ZNF423: variants seen among roughly 807,000 people sequenced by gnomAD.
ZNF423 encodes Ebf-associated zinc finger protein.
Under a neutral mutation model 95.8 loss-of-function variants are expected in ZNF423, and 12 were observed. That is an observed-to-expected ratio of 0.13 (90% CI 0.08 to 0.20). The LOEUF (loss-of-function observed/expected upper bound fraction) is 0.20, where lower values mean the gene tolerates loss of function less well. ZNF423 is among the 10% of genes least tolerant of loss of function. The probability of loss-of-function intolerance (pLI) is 1.00; values close to 1 mark genes in which losing one functional copy is unlikely to be tolerated. For missense variants in ZNF423, 1,316 were observed against 1,737.1 expected (o/e 0.76, Z 4.31); for synonymous variants, 749 against 711.9 (o/e 1.05, Z -0.83).
intron 3 of ZNF423, among the ~76,000 whole-genome samples, chr16:49,643,011 G>A (rs989310701): frequency 1.3e-4 from 19 of 151,998 alleles, no homozygotes; most frequent in African/African-American, 4.6e-4. Flanking sequence ...AGTAGAGACA[G>A]GGTTTCACCA....
intron 5 of ZNF423, among the ~76,000 whole-genome samples, chr16:49,543,832 C>T (rs1234733900): frequency 6.6e-6 from 1 of 152,230 alleles, no homozygotes; most frequent in Non-Finnish European, 1.5e-5. Context: ...GTCACAGCGA[C>T]CGCCACTCAC....
chr16:49,711,405 C>G (rs2032539483), intron 3 of ZNF423: 1 of 152,144 alleles, frequency 6.6e-6, no homozygotes, highest in Admixed American at 6.5e-5. Flanking sequence ...AGGTGAGAAG[C>G]TCTCTGAGGT....
chr16:49,613,152 T>C (rs190622231), intron 5 of ZNF423, among the ~76,000 whole-genome samples: 4 of 152,286 alleles, frequency 2.6e-5, no homozygotes, highest in Non-Finnish European at 5.9e-5. Flanking sequence ...AGCAAGAATT[T>C]TGGTAGATAC....
At chr16:49,717,299 T>C (rs1376624713) in intron 3 of ZNF423, among the ~76,000 whole-genome samples, 1 of 150,636 alleles carries the variant, frequency 6.6e-6, no homozygotes, top group East Asian at 2.0e-4. Flanking sequence ...TTCACCATCA[T>C]AGGAACAGGC....
rs921463163 is a variant in ZNF423, at chr16:49,658,831, T to A, written c.302-19957A>T. ...GTGGGTCCCCCACCCTTTCCCAGCA[T>A]CGCTGACTCTTTCCTTGGAACCCCC... is the stretch of plus-strand genomic sequence containing the variant. On this transcript the variant is annotated intron_variant, in intron 3 of 7. Coordinates refer to ENST00000563137, the MANE Select transcript of ZNF423 (RefSeq NM_001379286.1). Among the ~76,000 whole-genome samples the A allele has an allele frequency of 4.6e-5, 7 of 152,286 alleles. No homozygotes were observed. The East Asian group carries it at 1.4e-3, about 30-fold the overall frequency.
intron 5 of ZNF423, among the ~76,000 whole-genome samples, chr16:49,544,208 T>G (rs1478297237): frequency 6.6e-6 from 1 of 152,178 alleles, no homozygotes. Flanking sequence ...GACAGTATGG[T>G]CCAGAGGTGA....
chr16:49,858,344 C>G (rs1333224553), upstream of ZNF423, among the ~76,000 whole-genome samples: 2 of 151,774 alleles, frequency 1.3e-5, no homozygotes, highest in Admixed American at 1.3e-4. This position sits in a 1 kb window ranked among gnomAD's most constrained non-coding sequence, Gnocchi z 4.3. Context: ...CCGCCGGGCC[C>G]TGCTCGCCAA....
intron 5 of ZNF423, among the ~76,000 whole-genome samples, chr16:49,537,482 C>G (rs941809383): frequency 6.6e-6 from 1 of 152,200 alleles, no homozygotes; most frequent in African/African-American, 2.4e-5. Flanking sequence ...ATTGGAAATT[C>G]AAACGCAACA....
chr16:49,532,285 C>A (rs1392049857), intron 5 of ZNF423, among the ~76,000 whole-genome samples: 1 of 152,180 alleles, frequency 6.6e-6, no homozygotes, highest in Non-Finnish European at 1.5e-5. Context: ...CACGGCTGTC[C>A]CCGACCCCCA....
chr16:49,822,883 AG>A (rs1567360160), intron 1 of ZNF423: 2 of 569,908 alleles, frequency 3.5e-6, no homozygotes, highest in African/African-American at 1.9e-5. Context: ...TCATCTACGC[AG>A]CCAGGATTTA....
intron 4 of ZNF423, among the ~76,000 whole-genome samples, chr16:49,632,979 G>A (rs1972556124): frequency 9.2e-5 from 14 of 152,160 alleles, no homozygotes; most frequent in Admixed American, 9.2e-4. Context: ...CAGCTGCACT[G>A]CCCCACAGCC....
At chr16:49,500,415 C>T (rs906943370) in intron 7 of ZNF423, among the ~76,000 whole-genome samples, 7 of 152,200 alleles carry the variant, frequency 4.6e-5, no homozygotes, top group Non-Finnish European at 8.8e-5. Context: ...TCCATTCTAA[C>T]CACAGCAGCC....
At chr16:49,805,377 C>T (rs1391914030) in intron 1 of ZNF423, among the ~76,000 whole-genome samples, 5 of 152,230 alleles carry the variant, frequency 3.3e-5, no homozygotes, top group African/African-American at 1.2e-4. Flanking sequence ...AATGGCCCTA[C>T]AAAAGCAGGT....
At chr16:49,703,335 C>T (rs1288045772) in intron 3 of ZNF423, among the ~76,000 whole-genome samples, 1 of 152,192 alleles carries the variant, frequency 6.6e-6, no homozygotes, top group Non-Finnish European at 1.5e-5. Context: ...GAGTAAAAAT[C>T]ATTTCTGACT....
At chr16:49,596,586 G>A (rs1247698096) in intron 5 of ZNF423, among the ~76,000 whole-genome samples, 1 of 152,184 alleles carries the variant, frequency 6.6e-6, no homozygotes, top group Admixed American at 6.5e-5. Flanking sequence ...ATATGGAAAT[G>A]GAAAATGCTA....
intron 3 of ZNF423, among the ~76,000 whole-genome samples, chr16:49,647,424 A>G (rs1973220654): frequency 6.6e-6 from 1 of 152,252 alleles, no homozygotes; most frequent in African/African-American, 2.4e-5. Flanking sequence ...TCCAAAACAT[A>G]TGAATATGTT....
intron 2 of ZNF423, among the ~76,000 whole-genome samples, chr16:49,746,259 G>A (rs189808218): frequency 2.6e-5 from 4 of 152,254 alleles, no homozygotes; most frequent in African/African-American, 9.6e-5. Flanking sequence ...TGGCCACTGG[G>A]TGCGGGAAGA....
intron 7 of ZNF423, among the ~76,000 whole-genome samples, chr16:49,511,107 C>T (rs1278553299): frequency 6.6e-6 from 1 of 152,228 alleles, no homozygotes; most frequent in Non-Finnish European, 1.5e-5. Context: ...CCTCAAGGCT[C>T]ACGAGGGTAT....
Position 49,638,647 on chromosome 16 carries a change from T to G in ZNF423, c.529A>C (p.Thr177Pro), listed in dbSNP as rs533464180. 1 of 1,613,996 alleles carries G rather than the reference T, an allele frequency of 6.2e-7. No individual in the cohort carries two copies. The highest frequency in any genetic ancestry group is 8.5e-7 in the Non-Finnish European group (1 of 1,180,020). The change falls in exon 4 of 8, where the codon ACC becomes CCC. Residue 177 changes from threonine (T) to proline (P), a missense_variant. Physicochemically the swap from Thr to Pro is conservative, Grantham distance 38 (BLOSUM62 -1). This residue lies in a region of ZNF423 where 58 missense variants were observed against 116.9 expected (regional missense o/e 0.50). Transcript: ENST00000563137. This position sits in a 1 kb window ranked among gnomAD's most constrained non-coding sequence, Gnocchi z 5.6. ...TGCTTGAAGAGGCGGCTGCAGTAGG[T>G]GCACTTGAACGGCAGCTTGTCGCTG... ...IHSDKLPFKCTYCSRLFKHKR... is the reference protein window; with the variant it reads ...IHSDKLPFKCPYCSRLFKHKR...
Sources: allele counts gnomAD v4.1 joint callset (sites outside exome capture counted in the v4.1 genomes callset), GRCh38; gene constraint gnomAD v4.1.1; regional missense constraint gnomAD v4.1.1; non-coding constraint Gnocchi (gnomAD v3.1); transcripts MANE v1.5; gene names NCBI Gene and HGNC (gene_info 2026-07-23, HGNC 2026-07-21).